PPP1R13B: variants seen among roughly 807,000 people sequenced by gnomAD.
The protein encoded by PPP1R13B is apoptosis-stimulating of p53 protein 1.
A neutral mutation model predicts 119.8 loss-of-function variants in PPP1R13B; 44 were observed. The observed-to-expected ratio is 0.37, with a 90% CI of 0.29 to 0.47. The LOEUF is 0.47. PPP1R13B is among the 20% of genes least tolerant of loss of function. The pLI is 0.99. For missense variants in PPP1R13B, 1,227 were observed against 1,413.5 expected, an observed-to-expected ratio of 0.87 and a Z score of 2.12; for synonymous variants, 542 against 561.5, an observed-to-expected ratio of 0.97 and a Z score of 0.49.
At chr14:103,827,085 G>A (rs2086564018) in intron 1 of PPP1R13B, among the ~76,000 whole-genome samples, 1 of 152,020 alleles carries the variant, frequency 6.6e-6, no homozygotes. Context: ...AGCACTTTGG[G>A]AGGCCGAGGC....
intron 4 of PPP1R13B, among the ~76,000 whole-genome samples, chr14:103,777,906 C>T (rs951440658): frequency 1.3e-5 from 2 of 151,512 alleles, no homozygotes; most frequent in East Asian, 1.9e-4. Context: ...GTCATCATCC[C>T]GCCTCAGCCT....
intron 3 of PPP1R13B, 130 bp from the exon 4 acceptor site, chr14:103,778,951 T>C (rs2085274596): frequency 1.4e-6 from 1 of 726,192 alleles, no homozygotes; most frequent in Non-Finnish European, 2.3e-6. Context: ...TTCAAGACTT[T>C]AGTACAGTTG....
chr14:103,786,718 T>C (rs1404704308), intron 2 of PPP1R13B, among the ~76,000 whole-genome samples: 2 of 126,724 alleles, frequency 1.6e-5, no homozygotes, highest in East Asian at 5.0e-4. Flanking sequence ...TGAGCCAAGA[T>C]CGCACCATTA....
intron 1 of PPP1R13B, among the ~76,000 whole-genome samples, chr14:103,798,353 C>T (rs1467528830): frequency 3.3e-5 from 5 of 151,830 alleles, no homozygotes; most frequent in Non-Finnish European, 7.4e-5. Context: ...GGGGTTTCAC[C>T]GTGTTAGCCA....
chr14:103,796,655 C>A (rs1302663762), intron 2 of PPP1R13B, among the ~76,000 whole-genome samples: 3 of 152,076 alleles, frequency 2.0e-5, no homozygotes, highest in Admixed American at 2.0e-4. Flanking sequence ...AAATATATGT[C>A]CACACAAAAA....
At chr14:103,754,007 A>C in intron 6 of PPP1R13B, 63 bp downstream of exon 6, 1 of 1,544,476 alleles carries the variant, frequency 6.5e-7, no homozygotes, top group Non-Finnish European at 8.8e-7. Flanking sequence ...AGGCAGTTAG[A>C]CTATGTTTCA....
At chr14:103,782,900 G>A (rs938770848) in intron 3 of PPP1R13B, among the ~76,000 whole-genome samples, 1 of 151,956 alleles carries the variant, frequency 6.6e-6, no homozygotes, top group Non-Finnish European at 1.5e-5. Flanking sequence ...TGCCTCCCAG[G>A]TTCAAGCGAT....
At chr14:103,803,391 C>T (rs563355500) in intron 1 of PPP1R13B, among the ~76,000 whole-genome samples, 1 of 152,260 alleles carries the variant, frequency 6.6e-6, no homozygotes, top group Admixed American at 6.5e-5. Flanking sequence ...CACCTGTAAT[C>T]CCAGCACTTT....
In PPP1R13B at chr14:103,808,109, G is replaced by A. The variant is rs921011778; in HGVS notation, c.10-10591C>T. 6.6e-5 allele frequency among the ~76,000 whole-genome samples: 10 copies of A among 152,116 alleles called. No individual in the cohort carries two copies. The East Asian group carries it at 2.0e-3, about 30-fold the overall frequency. Reference sequence around the variant, plus strand: ...TACAAAAAAAAATTAGCTGGGCGTGGTGGCACCTGCCTATAATCCCAGCTA... The same window carrying A: ...TACAAAAAAAAATTAGCTGGGCGTGATGGCACCTGCCTATAATCCCAGCTA... On this transcript the variant is annotated intron_variant, in intron 1 of 16. Transcript: ENST00000202556.
Position 103,836,131 on chromosome 14 carries a change from C to G in PPP1R13B, c.9+11168G>C, listed in dbSNP as rs548519472. Among the ~76,000 whole-genome samples, 7 of 151,654 alleles carry G rather than the reference C, an allele frequency of 4.6e-5. No homozygotes were observed. In the South Asian group the frequency reaches 1.5e-3, roughly 32 times the overall value. ...CACGATCTTAGCTCACTGCAATTTC[C>G]GCCTCCCAGGCTCAAGCAATTCTCC... On this transcript the variant is annotated intron_variant, in intron 1 of 16. Coordinates refer to ENST00000202556, the MANE Select transcript of PPP1R13B (RefSeq NM_015316.3).
At position 103,740,352 on chromosome 14, in the gene PPP1R13B, A is replaced by T. The variant is rs756385984; in HGVS notation, c.2064T>A (p.Asp688Glu). 3.2e-6 allele frequency: 5 copies of T among 1,566,538 alleles called. No homozygotes were observed. Among genetic ancestry groups the T allele is most frequent in the Non-Finnish European group, 4.3e-6 (5 of 1,155,282 alleles). ...TCCTGCGGAGGGCCTCCAGGTCTGC[A>T]TCACTCTGGTAGCGCAGTGGCGAAT... The part of the protein sequence containing the change: ...IVHSPLRYQS[D>E]ADLEALRRKL... The change falls in exon 12 of 17, where the codon GAT becomes GAA. Residue 688 changes from aspartate to glutamate, a missense_variant. Physicochemically the swap from Asp to Glu is conservative, Grantham distance 45. Transcript: ENST00000202556. The surrounding 1 kb of genome is among the most constrained non-coding windows in gnomAD (Gnocchi z 4.6).
intron 1 of PPP1R13B, among the ~76,000 whole-genome samples, chr14:103,806,980 T>C (rs2086031268): frequency 6.6e-6 from 1 of 152,164 alleles, no homozygotes; most frequent in Admixed American, 6.5e-5. Context: ...TTCCCGTGGT[T>C]TCCTCTCTGA....
At chr14:103,746,725 C>CTGTA (rs1344275453) in intron 8 of PPP1R13B, 172 bp from the exon 9 acceptor site, 2 of 532,068 alleles carry the variant, frequency 3.8e-6, no homozygotes, top group East Asian at 6.5e-5. Flanking sequence ...GGAGAAGGAA[C>CTGTA]TGTAGCTTCC....
chr14:103,835,737 T>A (rs2152082002), intron 1 of PPP1R13B, among the ~76,000 whole-genome samples: 2 of 151,778 alleles, frequency 1.3e-5, no homozygotes. Flanking sequence ...GCCTCCCAAG[T>A]AGCTGGGATT....
At chr14:103,841,552 T>C (rs2086909265) in intron 1 of PPP1R13B, among the ~76,000 whole-genome samples, 1 of 151,652 alleles carries the variant, frequency 6.6e-6, no homozygotes, top group African/African-American at 2.4e-5. Flanking sequence ...ATCACACCAC[T>C]GCACTCCAGC....
chr14:103,734,496 G>A lies in PPP1R13B; in HGVS notation c.*658C>T. Reference sequence around the variant, plus strand: ...TCCCAGTTGTCACTTGGTCTTAGGGGTCCTGGTGCCCGTGGCGCGGCAGTC... The same window carrying A: ...TCCCAGTTGTCACTTGGTCTTAGGGATCCTGGTGCCCGTGGCGCGGCAGTC... On this transcript the variant is annotated 3_prime_UTR_variant, in exon 17 of 17. Coordinates refer to ENST00000202556, the MANE Select transcript of PPP1R13B (RefSeq NM_015316.3). The A allele has an allele frequency of 2.2e-6, 1 of 456,284 alleles. No individual in the cohort carries two copies. The allele number at this position is 456,284 out of a possible 1,614,324, so 28.3% of individuals were successfully genotyped here.
At chr14:103,767,102 G>A (rs2084955585) in intron 4 of PPP1R13B, among the ~76,000 whole-genome samples, 1 of 152,090 alleles carries the variant, frequency 6.6e-6, no homozygotes, top group Admixed American at 6.6e-5. Context: ...GATCACTTGA[G>A]GCCAAAAGTT....
intron 2 of PPP1R13B, among the ~76,000 whole-genome samples, chr14:103,796,445 A>T (rs977436779): frequency 6.6e-6 from 1 of 152,184 alleles, no homozygotes; most frequent in African/African-American, 2.4e-5. Context: ...AACTACTAGG[A>T]TGGCTAAACT....
chr14:103,744,679 T>C (rs1595714433), intron 9 of PPP1R13B, among the ~76,000 whole-genome samples: 2 of 152,224 alleles, frequency 1.3e-5, no homozygotes, highest in African/African-American at 4.8e-5. Context: ...GGTCTGACAC[T>C]GTCCATGAGC....
Sources: allele counts gnomAD v4.1 joint callset (sites outside exome capture counted in the v4.1 genomes callset), GRCh38; gene constraint gnomAD v4.1.1; non-coding constraint Gnocchi (gnomAD v3.1); transcripts MANE v1.5; gene names NCBI Gene and HGNC (gene_info 2026-07-23, HGNC 2026-07-21).